RXFP2: variants seen among roughly 807,000 people sequenced by gnomAD.
RXFP2 encodes relaxin family peptide receptor 2, also known as relaxin receptor 2.
Under a neutral mutation model 88.6 loss-of-function variants are expected in RXFP2, and 68 were observed. The observed-to-expected ratio is 0.77, with a 90% confidence interval of 0.63 to 0.94. The LOEUF is 0.94. Among genes scored for constraint, RXFP2 ranks in the 40% least tolerant of loss-of-function variants. The probability of loss-of-function intolerance (pLI) is 0.00; values close to 1 mark genes in which losing one functional copy is unlikely to be tolerated. For synonymous variants in RXFP2, 329 were observed against 306.8 expected, an observed-to-expected ratio of 1.07 and a Z score of -0.76; for missense variants, 791 against 893.9, an observed-to-expected ratio of 0.88 and a Z score of 1.47.
At chr13:31,748,395 T>C (rs1216986290) in intron 1 of RXFP2, among the ~76,000 whole-genome samples, 4 of 152,208 alleles carry the variant, frequency 2.6e-5, no homozygotes, top group Non-Finnish European at 4.4e-5. Context: ...TAGTGTATCA[T>C]TGGGTTTTTT....
Position 31,775,374 on chromosome 13 carries a change from A to G in RXFP2, c.626A>G (p.His209Arg), listed in dbSNP as rs545433966. ...AGACCTGGAATATTCAAAGACTTAC[A>G]TCAGCTAACTTGGCTGTAAGTACTC... ...TLRPGIFKDL[H>R]QLTWLILDDN... The change falls in exon 7 of 18, where the codon CAT becomes CGT. Residue 209 changes from histidine (H) to arginine (R), a missense_variant. Physicochemically the swap from His to Arg is conservative, Grantham distance 29 (BLOSUM62 0). Transcript: ENST00000298386. 30 of 1,612,654 alleles carry G rather than the reference A, an allele frequency of 1.9e-5. No individual in the cohort carries two copies. In the African/African-American group the frequency reaches 2.8e-4, roughly 15 times the overall value.
chr13:31,765,916 T>C (rs774221777), intron 4 of RXFP2, 40 bp from the exon 5 acceptor site: 2 of 1,015,536 alleles, frequency 2.0e-6, no homozygotes, highest in South Asian at 2.7e-5. Context: ...GGGTTGGCCA[T>C]AACAATCCAT....
intron 5 of RXFP2, among the ~76,000 whole-genome samples, chr13:31,773,316 G>A (rs566573939): frequency 5.3e-5 from 8 of 152,288 alleles, no homozygotes; most frequent in African/African-American, 1.9e-4. Flanking sequence ...GTGATGTTCT[G>A]TAGTGCCAAC....
chr13:31,769,763 C>CA lies in RXFP2; in HGVS notation c.497+3737dup, dbSNP rs199648360. Among the ~76,000 whole-genome samples the CA allele has an allele frequency of 3.3e-4, 50 of 152,320 alleles. 1 individual carries two copies. In the East Asian group the frequency reaches 7.3e-3, roughly 22 times the overall value. On this transcript the variant is annotated intron_variant, in intron 5 of 17. Coordinates refer to ENST00000298386, the MANE Select transcript of RXFP2 (RefSeq NM_130806.5). Reference sequence around the variant, plus strand: ...TGATGTGTGTGCTACATCTTGTACTCATGCACTTAGCATTTGAGAGTTAGT... The same window carrying CA: ...TGATGTGTGTGCTACATCTTGTACTCAATGCACTTAGCATTTGAGAGTTAGT...
rs748583937 is a variant in RXFP2, at chr13:31,789,107, G to C, written c.1074-15G>C. 2.0e-6 allele frequency: 3 copies of C among 1,533,024 alleles called. No homozygotes were observed. The Admixed American group carries it at 5.0e-5, about 26-fold the overall frequency. 95.0% of individuals were successfully genotyped at this position (1,533,024 alleles called of 1,614,324 possible). On this transcript the variant is annotated splice_polypyrimidine_tract_variant and intron_variant, in intron 13 of 17. Coordinates refer to ENST00000298386, the MANE Select transcript of RXFP2 (RefSeq NM_130806.5). Reference sequence around the variant, plus strand: ...TCATCTCAACACCATTAAACCTATCGTGTGTATTTTCCAGAGACCTGGAAA... The same window carrying C: ...TCATCTCAACACCATTAAACCTATCCTGTGTATTTTCCAGAGACCTGGAAA...
intron 2 of RXFP2, among the ~76,000 whole-genome samples, chr13:31,758,712 T>C (rs1000450342): frequency 1.3e-5 from 2 of 152,170 alleles, no homozygotes; most frequent in African/African-American, 2.4e-5. Flanking sequence ...GAATACCTCC[T>C]TATGGCTGGT....
intron 16 of RXFP2, among the ~76,000 whole-genome samples, chr13:31,793,898 G>A (rs1479224351): frequency 2.0e-5 from 3 of 152,016 alleles, no homozygotes; most frequent in African/African-American, 7.3e-5. Flanking sequence ...TGTTGCCTTA[G>A]TTGGAAACCT....
At chr13:31,770,022 G>A (rs1304368804) in intron 5 of RXFP2, among the ~76,000 whole-genome samples, 2 of 152,172 alleles carry the variant, frequency 1.3e-5, no homozygotes, top group Non-Finnish European at 2.9e-5. Context: ...ATAAGAATAT[G>A]TGTCATTCTT....
At chr13:31,751,360 C>G (rs1413408912) in intron 1 of RXFP2, among the ~76,000 whole-genome samples, 1 of 152,020 alleles carries the variant, frequency 6.6e-6, no homozygotes, top group Non-Finnish European at 1.5e-5. Context: ...AATGCAGAGT[C>G]TGAGAAAGCA....
At chr13:31,749,866 T>C (rs1181996448) in intron 1 of RXFP2, among the ~76,000 whole-genome samples, 3 of 152,212 alleles carry the variant, frequency 2.0e-5, no homozygotes, top group African/African-American at 7.2e-5. Flanking sequence ...ACTCTCCTTG[T>C]TTAACTCCAT....
chr13:31,789,064 T>C, intron 13 of RXFP2, 58 bp from the exon 14 acceptor site: 1 of 1,011,778 alleles, frequency 9.9e-7, no homozygotes, highest in Non-Finnish European at 1.6e-6. Flanking sequence ...TGATGAAGAA[T>C]GCAATTATTA....
chr13:31,754,724 G>A (rs1408503093), intron 1 of RXFP2, among the ~76,000 whole-genome samples: 1 of 152,030 alleles, frequency 6.6e-6, no homozygotes, highest in Admixed American at 6.6e-5. Flanking sequence ...CATTTTCCTT[G>A]GTTATTTATC....
chr13:31,782,837 CAATCAAA>C, intron 11 of RXFP2, 90 bp downstream of exon 11: 1 of 806,808 alleles, frequency 1.2e-6, no homozygotes, highest in Non-Finnish European at 2.1e-6. Context: ...CCACTAGTAG[CAATCAAA>C]ATCCTGTAGA....
Position 31,747,807 on chromosome 13 carries a change from GA to G in RXFP2, c.94+8107del, listed in dbSNP as rs35874695. 2.0e-5 allele frequency among the ~76,000 whole-genome samples: 3 copies of G among 152,226 alleles called. No homozygotes were observed. In the South Asian group the frequency reaches 6.2e-4, roughly 32 times the overall value. ...AGGTATGTGCAAGATGGTTTGGGTA[GA>G]AAAAAGGGAAAGTTTGTACTGAGGA... On this transcript the variant is annotated intron_variant, in intron 1 of 17. Coordinates refer to ENST00000298386, the MANE Select transcript of RXFP2 (RefSeq NM_130806.5).
chr13:31,754,953 T>C (rs1871866316), intron 1 of RXFP2, among the ~76,000 whole-genome samples: 1 of 152,196 alleles, frequency 6.6e-6, no homozygotes, highest in South Asian at 2.1e-4. Context: ...TTCTATTTTC[T>C]TACATTGTAT....
chr13:31,768,150 G>A (rs936111039), intron 5 of RXFP2, among the ~76,000 whole-genome samples: 1 of 152,180 alleles, frequency 6.6e-6, no homozygotes, highest in African/African-American at 2.4e-5. Context: ...ATTTCTCTAA[G>A]TAAATGTCTA....
intron 11 of RXFP2, among the ~76,000 whole-genome samples, chr13:31,785,587 C>T (rs1420829376): frequency 6.6e-6 from 1 of 151,472 alleles, no homozygotes; most frequent in East Asian, 1.9e-4. Context: ...ATGTAAGCTT[C>T]TTTACAAAAA....
At position 31,791,032 on chromosome 13, in the gene RXFP2, C is replaced by A. The variant is rs533082192; in HGVS notation, c.1146-774C>A. ...AATAACAAAAAATGAATTAAACTGA[C>A]AGCAAAGAGCAGAAAAGTGAACTGA... On this transcript the variant is annotated intron_variant, in intron 14 of 17. Coordinates refer to ENST00000298386, the MANE Select transcript of RXFP2 (RefSeq NM_130806.5). Among the ~76,000 whole-genome samples, 4 of 152,270 alleles carry A rather than the reference C, an allele frequency of 2.6e-5. No individual in the cohort carries two copies. In the South Asian group the frequency reaches 8.3e-4, roughly 32 times the overall value.
At chr13:31,801,412 A>G (rs1874335157) in intron 17 of RXFP2, among the ~76,000 whole-genome samples, 1 of 152,078 alleles carries the variant, frequency 6.6e-6, no homozygotes, top group Non-Finnish European at 1.5e-5. Flanking sequence ...TTGAGGAAGC[A>G]TAAGTGATTC....
Sources: gnomAD v4.1 joint callset for allele counts (sites outside exome capture counted in the v4.1 genomes callset) on GRCh38, gnomAD v4.1.1 for gene constraint, MANE v1.5 for transcripts, NCBI Gene and HGNC (gene_info 2026-07-23, HGNC 2026-07-21) for gene names.